The following ZNF814 variants were observed in gnomAD, a reference collection of about 807,000 sequenced individuals.
ZNF814 encodes zinc finger protein 814.
In ZNF814, 5 loss-of-function variants were observed where a neutral mutation model predicts 7.5. The observed-to-expected ratio is 0.67, with a 90% confidence interval of 0.35 to 1.40. The LOEUF (loss-of-function observed/expected upper bound fraction) is 1.40, where lower values mean the gene tolerates loss of function less well. Among genes scored for constraint, ZNF814 ranks in the 40% most tolerant of loss-of-function variants. ZNF814 has a pLI of 0.04. For synonymous variants in ZNF814, 315 were observed against 340.7 expected, an observed-to-expected ratio of 0.92 and a Z score of 0.83; for missense variants, 962 against 1,018.0, an observed-to-expected ratio of 0.94 and a Z score of 0.75.
intron 1 of ZNF814, among the ~76,000 whole-genome samples, chr19:57,884,899 C>T (rs954772771): frequency 2.0e-5 from 3 of 152,206 alleles, no homozygotes; most frequent in African/African-American, 4.8e-5. Context: ...AGCAATCCCA[C>T]TGCTGGGTAT....
At chr19:57,895,064 C>G in the ZNF814 span, among the ~76,000 whole-genome samples, 8 of 152,076 alleles carry the variant, frequency 5.3e-5, no homozygotes, top group Admixed American at 5.2e-4. Context: ...GCAGAGCAAC[C>G]AAGAGATTGA....
chr19:57,904,772 C>G, the ZNF814 span, among the ~76,000 whole-genome samples: 1 of 151,604 alleles, frequency 6.6e-6, no homozygotes, highest in Non-Finnish European at 1.5e-5. Context: ...CAGGCATCGC[C>G]GGGAGTGGTG....
rs919418138 is a variant in ZNF814, at chr19:57,871,265, T to G, written c.*1557A>C. 2.6e-5 allele frequency: 4 copies of G among 152,186 alleles called. No homozygotes were observed. The highest frequency in any genetic ancestry group is 9.7e-5 in the African/African-American group (4 of 41,448). 9.4% of individuals were successfully genotyped at this position (152,186 alleles called of 1,614,324 possible). A position where few individuals can be genotyped will look rare whatever the true frequency, so the allele number is the denominator to read the frequency against. On this transcript the variant is annotated 3_prime_UTR_variant, in exon 3 of 3. Transcript: ENST00000435989. ...AGAAATTGTCACAAAAAATGCCCTG[T>G]ATCCAGCTGACCTATGAACCCACAA... is the stretch of plus-strand genomic sequence containing the variant.
the ZNF814 span, among the ~76,000 whole-genome samples, chr19:57,897,499 G>C: frequency 6.6e-6 from 1 of 152,206 alleles, no homozygotes; most frequent in Non-Finnish European, 1.5e-5. Flanking sequence ...GGACAAGACA[G>C]TGTCATTCTA....
intron 1 of ZNF814, among the ~76,000 whole-genome samples, chr19:57,886,695 A>G (rs1188446064): frequency 1.3e-5 from 2 of 152,124 alleles, no homozygotes; most frequent in African/African-American, 4.8e-5. Context: ...CCTAGGCAAC[A>G]TGGCGAAACC....
chr19:57,891,533 A>T (rs1237839507), upstream of ZNF814, among the ~76,000 whole-genome samples: 1 of 150,728 alleles, frequency 6.6e-6, no homozygotes, highest in African/African-American at 2.4e-5. Flanking sequence ...TCAAAAAAAA[A>T]AAAAAATCAA....
intron 1 of ZNF814, among the ~76,000 whole-genome samples, chr19:57,883,134 A>ATG (rs1410817789): frequency 5.6e-4 from 80 of 142,720 alleles, no homozygotes; most frequent in Middle Eastern, 9.5e-3. Flanking sequence ...CGAGGCGGGC[A>ATG]GATCACAAAT....
intron 1 of ZNF814, among the ~76,000 whole-genome samples, chr19:57,888,381 A>T: frequency 6.6e-6 from 1 of 152,182 alleles, no homozygotes; most frequent in East Asian, 1.9e-4. Context: ...GGACCTGATT[A>T]TCTCTACCCT....
Position 57,873,573 on chromosome 19 carries a change from C to G in ZNF814, c.1817G>C (p.Cys606Ser). The G allele has an allele frequency of 6.2e-7, 1 of 1,614,092 alleles. No individual in the cohort carries two copies. The highest frequency in any genetic ancestry group is 8.5e-7 in the Non-Finnish European group (1 of 1,180,014). ...ACTAAAAGATTTCCCACATTCTCCA[C>G]ACTCATAAGGCCTCTCTCCAGTATG... ...RVHTGERPYECGECGKSFSHK... is the reference protein window; with the variant it reads ...RVHTGERPYESGECGKSFSHK... Residue 606 changes from cysteine to serine, a missense_variant, in exon 3 of 3, where the codon TGT (cysteine) becomes TCT (serine). Physicochemically the swap from Cys to Ser is moderately radical, Grantham distance 112. Around this residue, in one of 7 missense-constraint regions of ZNF814, gnomAD observed 665 missense variants for 551.4 expected, o/e 1.21. Transcript: ENST00000435989.
In ZNF814 at chr19:57,888,753, G is replaced by A. The variant is rs1187038711; in HGVS notation, c.36+14C>T. 5.1e-6 allele frequency: 8 copies of A among 1,553,776 alleles called. No individual in the cohort carries two copies. In the African/African-American group the frequency reaches 8.2e-5, roughly 16 times the overall value. On this transcript the variant is annotated intron_variant, in intron 1 of 2. Coordinates refer to ENST00000435989, the MANE Select transcript of ZNF814 (RefSeq NM_001144989.2). ...GATGAGGTGACCTGAGGACACAGAAGGCCCCACAATTACCTGAGCGGAGAG... is the reference window on the plus strand; with the variant it reads ...GATGAGGTGACCTGAGGACACAGAAAGCCCCACAATTACCTGAGCGGAGAG...
In ZNF814 at chr19:57,873,931, T is replaced by G. The variant is rs1196881554; in HGVS notation, c.1459A>C (p.Ser487Arg). The G allele has an allele frequency of 2.5e-6, 4 of 1,613,748 alleles. No homozygotes were observed. Among genetic ancestry groups the G allele is most frequent in the Admixed American group, 3.3e-5 (2 of 59,960 alleles). ...CCACACTGATAAGGTCTTTCTCCAC[T>G]GTGAACTCGCTGATGGTGAACAAGG... ...RSLVHHQRVHSGERPYQCGEC... is the reference protein window; with the variant it reads ...RSLVHHQRVHRGERPYQCGEC... Residue 487 changes from serine to arginine, a missense_variant, in exon 3 of 3, where the codon AGT (serine) becomes CGT (arginine). Ser to Arg is a moderately radical substitution (Grantham distance 110). Transcript: ENST00000435989.
At chr19:57,899,820 G>A in the ZNF814 span, among the ~76,000 whole-genome samples, 1 of 152,118 alleles carries the variant, frequency 6.6e-6, no homozygotes, top group Non-Finnish European at 1.5e-5. Context: ...CAACCAAAAC[G>A]CTTACTCTGT....
chr19:57,884,659 G>A (rs369413097), intron 1 of ZNF814, among the ~76,000 whole-genome samples: 34 of 152,200 alleles, frequency 2.2e-4, no homozygotes, highest in African/African-American at 7.7e-4. Flanking sequence ...ATGGCAAACA[G>A]GTATAGGAAA....
chr19:57,870,308 T>C lies in ZNF814; in HGVS notation c.*2514A>G, dbSNP rs2071546828. ...AAGAAAAATATAGATTTACCATTAT[T>C]TTTGGAAAACAGGTTTGGCAACTCT... is the stretch of plus-strand genomic sequence containing the variant. On this transcript the variant is annotated 3_prime_UTR_variant, in exon 3 of 3. Transcript: ENST00000435989. The C allele has an allele frequency of 6.6e-6, 1 of 152,156 alleles. No homozygotes were observed. Among genetic ancestry groups the C allele is most frequent in the Non-Finnish European group, 1.5e-5 (1 of 68,024 alleles). 9.4% of individuals were successfully genotyped at this position (152,156 alleles called of 1,614,324 possible). A position where few individuals can be genotyped will look rare whatever the true frequency, so the allele number is the denominator to read the frequency against.
Position 57,874,108 on chromosome 19 carries a change from G to C in ZNF814, c.1282C>G (p.Arg428Gly). 2 of 1,600,750 alleles carry C rather than the reference G, an allele frequency of 1.2e-6. No individual in the cohort carries two copies. The highest frequency in any genetic ancestry group is 1.1e-5 in the South Asian group (1 of 89,768). ...TAAGGTTTTTCTCCAGTGTGAAATC[G>C]CTGATGTTGAATGAGGCTGCTCTTT... is the stretch of plus-strand genomic sequence containing the variant. ...SQKSSLIQHQ[R>G]FHTGEKPYGC... Residue 428 changes from arginine to glycine, a missense_variant, in exon 3 of 3, where the codon CGA becomes GGA. Arg to Gly is a moderately radical substitution (Grantham distance 125). Transcript: ENST00000435989.
the ZNF814 span, among the ~76,000 whole-genome samples, chr19:57,903,895 A>G: frequency 6.6e-6 from 1 of 152,248 alleles, no homozygotes; most frequent in South Asian, 2.1e-4. Flanking sequence ...TTTTTCTGAC[A>G]TAATGTAAAA....
the ZNF814 span, among the ~76,000 whole-genome samples, chr19:57,898,364 C>T: frequency 6.6e-6 from 1 of 152,278 alleles, no homozygotes; most frequent in East Asian, 1.9e-4. Context: ...AGTGGGATAT[C>T]TCCCAGGAAA....
Position 57,871,284 on chromosome 19 carries a change from C to G in ZNF814, c.*1538G>C, listed in dbSNP as rs1226085700. Reference sequence around the variant, plus strand: ...GCCCTGTATCCAGCTGACCTATGAACCCACAAATTTTAGTATCCGTGCTAC... The same window carrying G: ...GCCCTGTATCCAGCTGACCTATGAAGCCACAAATTTTAGTATCCGTGCTAC... On this transcript the variant is annotated 3_prime_UTR_variant, in exon 3 of 3. Coordinates refer to ENST00000435989, the MANE Select transcript of ZNF814 (RefSeq NM_001144989.2). 1 of 152,156 alleles carries G rather than the reference C, an allele frequency of 6.6e-6. No individual in the cohort carries two copies. The highest frequency in any genetic ancestry group is 2.4e-5 in the African/African-American group (1 of 41,432). The allele number at this position is 152,156 out of a possible 1,614,324, so 9.4% of individuals were successfully genotyped here.
chr19:57,877,228 GTTGTGACGTAAGAGTCCACCCCC>G (rs1195498258), intron 1 of ZNF814, among the ~76,000 whole-genome samples, 186 bp from the exon 2 acceptor site: 7 of 152,114 alleles, frequency 4.6e-5, no homozygotes, highest in Non-Finnish European at 1.0e-4. Flanking sequence ...CTGTGTGGTG[GTTGTGACGTAAGAGTCCACCCCC>G]TCCTGACAGG....
Sources: allele counts gnomAD v4.1 joint callset (sites outside exome capture counted in the v4.1 genomes callset), GRCh38; gene constraint gnomAD v4.1.1; regional missense constraint gnomAD v4.1.1; transcripts MANE v1.5; gene names NCBI Gene and HGNC (gene_info 2026-07-23, HGNC 2026-07-21).